RBMS3: variants seen among roughly 807,000 people sequenced by gnomAD.
RBMS3 encodes RNA binding motif single stranded interacting protein 3.
A neutral mutation model predicts 66.8 loss-of-function variants in RBMS3; 27 were observed. The ratio of observed to expected loss-of-function variants is 0.40; its 90% CI spans 0.30 to 0.56. RBMS3 has a LOEUF of 0.56. Among genes scored for constraint, RBMS3 ranks in the 20% least tolerant of loss-of-function variants. The pLI is 0.40. For synonymous variants in RBMS3, 188 were observed against 183.0 expected, an observed-to-expected ratio of 1.03 and a Z score of -0.22; for missense variants, 513 against 549.5, an observed-to-expected ratio of 0.93 and a Z score of 0.66.
At chr3:29,701,331 A>G (rs1447153957) in intron 4 of RBMS3, among the ~76,000 whole-genome samples, 1 of 152,206 alleles carries the variant, frequency 6.6e-6, no homozygotes, top group African/African-American at 2.4e-5. Flanking sequence ...ACCTCCGTAA[A>G]AAACAAGCTA....
chr3:29,488,348 C>CTCAGTTGTGTGTGCCCCGATGT, intron 2 of RBMS3, 93 bp from the exon 3 acceptor site: 1 of 1,033,356 alleles, frequency 9.7e-7, no homozygotes, highest in South Asian at 1.4e-5. Context: ...TTTATGCATG[C>CTCAGTTGTGTGTGCCCCGATGT]TCAGTTGTGT....
chr3:29,669,793 C>T (rs896144777), intron 4 of RBMS3, among the ~76,000 whole-genome samples: 4 of 151,952 alleles, frequency 2.6e-5, no homozygotes, highest in Admixed American at 6.5e-5. Context: ...TTTTTTAAAC[C>T]ACCTGTGCTG....
chr3:29,421,826 A>G (rs1012608773), intron 1 of RBMS3, among the ~76,000 whole-genome samples: 1 of 152,194 alleles, frequency 6.6e-6, no homozygotes, highest in Admixed American at 6.5e-5. Flanking sequence ...TTTCATTCTG[A>G]CAAGCATCAA....
At chr3:29,333,820 A>C (rs2035801048) in intron 1 of RBMS3, among the ~76,000 whole-genome samples, 1 of 152,188 alleles carries the variant, frequency 6.6e-6, no homozygotes, top group Non-Finnish European at 1.5e-5. Flanking sequence ...TTTTGATATG[A>C]CAGACAGTTC....
chr3:29,774,213 T>C (rs2056338509), intron 6 of RBMS3, among the ~76,000 whole-genome samples: 1 of 151,960 alleles, frequency 6.6e-6, no homozygotes, highest in Non-Finnish European at 1.5e-5. Context: ...TCAAATTCCC[T>C]CACTTCACTG....
chr3:29,819,110 A>C (rs932992691), intron 6 of RBMS3, among the ~76,000 whole-genome samples: 1 of 152,192 alleles, frequency 6.6e-6, no homozygotes, highest in African/African-American at 2.4e-5. Flanking sequence ...TGTTAAGTGA[A>C]ACATCAAGTG....
At chr3:29,998,369 C>T (rs1027875048) in intron 14 of RBMS3, among the ~76,000 whole-genome samples, 2 of 152,040 alleles carry the variant, frequency 1.3e-5, no homozygotes, top group Non-Finnish European at 2.9e-5. Context: ...CAATGCCATC[C>T]CCATCAAGCT....
chr3:29,591,141 A>G (rs1267031900), intron 4 of RBMS3, among the ~76,000 whole-genome samples: 1 of 152,162 alleles, frequency 6.6e-6, no homozygotes, highest in Admixed American at 6.6e-5. Flanking sequence ...GAAAATTAAT[A>G]ATAGTCCATC....
At chr3:29,510,356 C>T (rs1018539694) in intron 3 of RBMS3, among the ~76,000 whole-genome samples, 1 of 152,184 alleles carries the variant, frequency 6.6e-6, no homozygotes, top group African/African-American at 2.4e-5. Flanking sequence ...TTACTCAGCT[C>T]ATACTCCAGC....
At chr3:29,653,250 A>G (rs565455501) in intron 4 of RBMS3, among the ~76,000 whole-genome samples, 1 of 152,266 alleles carries the variant, frequency 6.6e-6, no homozygotes, top group East Asian at 1.9e-4. Flanking sequence ...TCTGAGTGGC[A>G]TTTCCTCATC....
chr3:29,443,988 T>A (rs1372824570), intron 2 of RBMS3, among the ~76,000 whole-genome samples: 2 of 152,118 alleles, frequency 1.3e-5, no homozygotes, highest in East Asian at 3.8e-4. Context: ...AAAGTGCAAC[T>A]TTGGGTGGAC....
chr3:29,398,580 G>T (rs1215672373), intron 1 of RBMS3, among the ~76,000 whole-genome samples: 3 of 152,162 alleles, frequency 2.0e-5, no homozygotes, highest in Non-Finnish European at 4.4e-5. Flanking sequence ...GAGATGAAAA[G>T]ATCTTTCTCA....
intron 6 of RBMS3, among the ~76,000 whole-genome samples, chr3:29,828,105 T>C (rs1012441481): frequency 2.0e-5 from 3 of 151,902 alleles, no homozygotes; most frequent in Non-Finnish European, 4.4e-5. Flanking sequence ...ACAGAGAGAA[T>C]GGAGGAACAG....
chr3:30,001,434 G>C (rs1699605447), intron 14 of RBMS3, among the ~76,000 whole-genome samples: 1 of 151,950 alleles, frequency 6.6e-6, no homozygotes, highest in African/African-American at 2.4e-5. Flanking sequence ...GTGAGGAGAG[G>C]ATTCAAAATG....
Position 29,662,697 on chromosome 3 carries a change from C to T in RBMS3, c.399+75492C>T, listed in dbSNP as rs187836641. 3.5e-4 allele frequency among the ~76,000 whole-genome samples: 53 copies of T among 152,308 alleles called. 1 individual carries two copies. In the East Asian group the frequency reaches 8.5e-3, roughly 24 times the overall value. On this transcript the variant is annotated intron_variant, in intron 4 of 14. Coordinates refer to ENST00000383767, the MANE Select transcript of RBMS3 (RefSeq NM_001003793.3). ...ATCTTTGAATCCTATCCACGTGATT[C>T]TACTCTCTTCTTAAACTGCCCTTCT...
At chr3:29,602,252 A>C (rs562287903) in intron 4 of RBMS3, among the ~76,000 whole-genome samples, 18 of 151,420 alleles carry the variant, frequency 1.2e-4, no homozygotes, top group Non-Finnish European at 2.1e-4. Context: ...AATTACAAAT[A>C]TAGAGTGTTA....
intron 5 of RBMS3, among the ~76,000 whole-genome samples, chr3:29,743,449 G>C (rs1485937975): frequency 6.6e-6 from 1 of 152,162 alleles, no homozygotes; most frequent in Non-Finnish European, 1.5e-5. Context: ...GTGGTTCCCA[G>C]ATCAGCAGCT....
chr3:29,569,984 A>G (rs887164383), intron 3 of RBMS3, among the ~76,000 whole-genome samples: 2 of 54,378 alleles, frequency 3.7e-5, no homozygotes, highest in Admixed American at 3.9e-4. Flanking sequence ...GCAGTTGCTT[A>G]GGGAAAAATC....
intron 1 of RBMS3, among the ~76,000 whole-genome samples, chr3:29,338,697 T>TCCTCC (rs1260014980): frequency 1.1e-5 from 1 of 90,380 alleles, no homozygotes; most frequent in Non-Finnish European, 2.4e-5. Context: ...TCTCCTCTCC[T>TCCTCC]CCTCCTCTCC....
Sources: gnomAD v4.1 joint callset for allele counts (sites outside exome capture counted in the v4.1 genomes callset) on GRCh38, gnomAD v4.1.1 for gene constraint, MANE v1.5 for transcripts, NCBI Gene and HGNC (gene_info 2026-07-23, HGNC 2026-07-21) for gene names.